SYNC: variants seen among roughly 807,000 people sequenced by gnomAD.
SYNC encodes syncoilin, intermediate filament protein, also known as syncoilin.
In SYNC, 38 loss-of-function variants were observed where a neutral mutation model predicts 49.5. That is an observed-to-expected ratio of 0.77 (90% CI 0.59 to 1.01). The LOEUF (loss-of-function observed/expected upper bound fraction) is 1.01. Ranked by LOEUF, SYNC falls within the 50% of genes least tolerant of loss-of-function variation. The probability of loss-of-function intolerance (pLI) is 0.00; values close to 1 mark genes in which losing one functional copy is unlikely to be tolerated. For missense variants in SYNC, 579 were observed against 580.6 expected, an observed-to-expected ratio of 1.00 and a Z score of 0.03; for synonymous variants, 201 against 230.8, an observed-to-expected ratio of 0.87 and a Z score of 1.17.
At position 32,680,984 on chromosome 1, in the gene SYNC, G is replaced by T. The variant is rs1649397232; in HGVS notation, c.*866C>A. 6.4e-6 allele frequency: 1 copy of T among 156,708 alleles called. No individual in the cohort carries two copies. The highest frequency in any genetic ancestry group is 2.4e-5 in the African/African-American group (1 of 41,620). The allele number at this position is 156,708 out of a possible 1,614,324, so 9.7% of individuals were successfully genotyped here. A position where few individuals can be genotyped will look rare whatever the true frequency, so the allele number is the denominator to read the frequency against. ...TAAGGCAAGATTTAAATTTGGAAAA[G>T]GTGCTTGAACCTTTTCTCAGAGGTT... On this transcript the variant is annotated 3_prime_UTR_variant, in exon 5 of 5. Coordinates refer to ENST00000409190, the MANE Select transcript of SYNC (RefSeq NM_030786.3).
rs1650408538 is a variant in SYNC at position 32,695,917 on chromosome 1, G to C, written c.181C>G (p.Leu61Val). 1.9e-6 allele frequency: 3 copies of C among 1,551,508 alleles called. No individual in the cohort carries two copies. The South Asian group carries it at 3.6e-5, about 18-fold the overall frequency. Residue 61 changes from leucine to valine, a missense_variant, in exon 2 of 5, where the codon CTG (leucine) becomes GTG (valine). Transcript: ENST00000409190. Reference protein sequence around the residue: ...GSLNLEDILYLEDTGDLDETL... With the variant: ...GSLNLEDILYVEDTGDLDETL... ...TCATCAAGGTCACCTGTGTCCTCCAGGTAGAGAATGTCTTCGAGGTTTAAG... is the reference window on the plus strand; with the variant it reads ...TCATCAAGGTCACCTGTGTCCTCCACGTAGAGAATGTCTTCGAGGTTTAAG...
intron 2 of SYNC, among the ~76,000 whole-genome samples, chr1:32,689,497 A>G (rs983918418): frequency 4.0e-5 from 6 of 151,266 alleles, no homozygotes; most frequent in Non-Finnish European, 8.8e-5. Context: ...GCCCGGCCAC[A>G]CATACTATTT....
intron 2 of SYNC, chr1:32,684,590 A>C: frequency 1.5e-6 from 1 of 653,860 alleles, no homozygotes; most frequent in South Asian, 2.0e-5. Context: ...ATGACGAAAA[A>C]GGCATCTTGT....
Position 32,695,135 on chromosome 1 carries a change from G to C in SYNC, c.963C>G (p.Ser321Arg), listed in dbSNP as rs1231460131. ...TTTCAAACTGGGCAGAGAGTCGCCGGCTTTCCTGGAGAAAGTGCCCATCCC... is the reference window on the plus strand; with the variant it reads ...TTTCAAACTGGGCAGAGAGTCGCCGCCTTTCCTGGAGAAAGTGCCCATCCC... ...SQRDGHFLQE[S>R]RRLSAQFENL... The change falls in exon 2 of 5, where the codon AGC (serine) becomes AGG (arginine). Residue 321 changes from serine to arginine, a missense_variant. Ser to Arg is a moderately radical substitution (Grantham distance 110). Coordinates refer to ENST00000409190, the MANE Select transcript of SYNC (RefSeq NM_030786.3). 6.2e-7 allele frequency: 1 copy of C among 1,608,508 alleles called. No individual in the cohort carries two copies. Among genetic ancestry groups the C allele is most frequent in the South Asian group, 1.1e-5 (1 of 90,646 alleles).
chr1:32,700,038 A>G (rs1216577818), intron 1 of SYNC, among the ~76,000 whole-genome samples: 1 of 151,948 alleles, frequency 6.6e-6, no homozygotes, highest in Non-Finnish European at 1.5e-5. Context: ...GGCCCCAAAC[A>G]TACCTTTTTT....
In SYNC at chr1:32,695,172, GGGGCTTCT is replaced by G; in HGVS notation, c.918_925del (p.Glu307SerfsTer20). The G allele has an allele frequency of 6.3e-7, 1 of 1,580,616 alleles. No individual in the cohort carries two copies. Among genetic ancestry groups the G allele is most frequent in the Non-Finnish European group, 8.6e-7 (1 of 1,163,074 alleles). Reference sequence around the variant, plus strand: ...AAAGTGCCCATCCCTCTGGCTTGGAGGGGCTTCTAGTTGTTGCCGCAGCTGCTCCTTCT... The same window carrying G: ...AAAGTGCCCATCCCTCTGGCTTGGAGAGTTGTTGCCGCAGCTGCTCCTTCT... On this transcript the variant is annotated frameshift_variant, in exon 2 of 5. Coordinates refer to ENST00000409190, the MANE Select transcript of SYNC (RefSeq NM_030786.3). LOFTEE classifies it high-confidence loss of function.
In SYNC at chr1:32,680,151, C is replaced by T. The variant is rs1423350502; in HGVS notation, c.*1699G>A. 2 of 1,076,276 alleles carry T rather than the reference C, an allele frequency of 1.9e-6. No homozygotes were observed. Among genetic ancestry groups the T allele is most frequent in the Non-Finnish European group, 2.2e-6 (2 of 891,252 alleles). 66.7% of individuals were successfully genotyped at this position (1,076,276 alleles called of 1,614,324 possible). ...GGGGAGATTCAAGTCATATAGATTC[C>T]TACTCGAAAATCTTGACACCTGACT... On this transcript the variant is annotated 3_prime_UTR_variant, in exon 5 of 5. Transcript: ENST00000409190.
At chr1:32,699,311 G>A (rs766221982) in intron 1 of SYNC, among the ~76,000 whole-genome samples, 2 of 151,814 alleles carry the variant, frequency 1.3e-5, no homozygotes, top group East Asian at 1.9e-4. Flanking sequence ...CTGCCACCAC[G>A]CCTGGCTAAT....
chr1:32,684,701 T>C (rs1175068423), intron 2 of SYNC: 1 of 253,738 alleles, frequency 3.9e-6, no homozygotes, highest in East Asian at 8.8e-5. Context: ...GTCTAGTTAG[T>C]GGGCTGAGTT....
chr1:32,684,206 A>G (rs1317499990), intron 3 of SYNC, 52 bp downstream of exon 3: 1 of 1,609,140 alleles, frequency 6.2e-7, no homozygotes, highest in East Asian at 2.2e-5. Flanking sequence ...AAGCCCTCCC[A>G]CCATCCCCTC....
At position 32,695,042 on chromosome 1, in the gene SYNC, C is replaced by T; in HGVS notation, c.1056G>A (p.Glu352=). ...EYEPQFLRLL[E]RKEAGTKALQ... ...GAGCTTTGGTCCCAGCTTCTTTCCT[C>T]TCTAGGAGCCGCAGGAACTGAGGCT... The change falls in exon 2 of 5, where the codon GAG becomes GAA. Residue 352 remains glutamate, a synonymous_variant. Coordinates refer to ENST00000409190, the MANE Select transcript of SYNC (RefSeq NM_030786.3). 1.2e-6 allele frequency: 2 copies of T among 1,613,756 alleles called. No individual in the cohort carries two copies. Among genetic ancestry groups the T allele is most frequent in the East Asian group, 2.2e-5 (1 of 44,848 alleles).
At chr1:32,692,593 C>T (rs909243419) in intron 2 of SYNC, among the ~76,000 whole-genome samples, 4 of 150,494 alleles carry the variant, frequency 2.7e-5, no homozygotes, top group African/African-American at 9.8e-5. Flanking sequence ...CTAAAATACC[C>T]AAATTAGCTG....
At chr1:32,683,912 C>T (rs1397997218) in intron 4 of SYNC, 98 bp downstream of exon 4, 43 of 1,222,936 alleles carry the variant, frequency 3.5e-5, no homozygotes, top group African/African-American at 8.9e-5. Flanking sequence ...GGATTACAGG[C>T]GTGAGCCACC....
intron 1 of SYNC, among the ~76,000 whole-genome samples, chr1:32,696,937 G>C (rs1650458680): frequency 6.6e-6 from 1 of 151,128 alleles, no homozygotes; most frequent in African/African-American, 2.4e-5. Context: ...TAGTAGAGAT[G>C]GGGTTTTACC....
chr1:32,699,345 G>A (rs1650579568), intron 1 of SYNC, among the ~76,000 whole-genome samples: 1 of 150,270 alleles, frequency 6.7e-6, no homozygotes, highest in Non-Finnish European at 1.5e-5. Flanking sequence ...GTAGAGACAG[G>A]GTTTCACCAT....
intron 2 of SYNC, among the ~76,000 whole-genome samples, chr1:32,693,077 G>GT (rs199763173): frequency 6.8e-6 from 1 of 147,234 alleles, no homozygotes; most frequent in Non-Finnish European, 1.5e-5. Flanking sequence ...TTTTTTTTTT[G>GT]TTTGTTTGTT....
intron 4 of SYNC, chr1:32,683,559 T>G (rs1649593787): frequency 6.5e-6 from 1 of 153,728 alleles, no homozygotes; most frequent in East Asian, 1.9e-4. Context: ...TCTGAATGCC[T>G]GACTCAGGCG....
chr1:32,687,833 A>AATTATTATTATTATTATT (rs148661520), intron 2 of SYNC, among the ~76,000 whole-genome samples: 5,233 of 38,138 alleles, frequency 0.14, 323 homozygotes, highest in African/African-American at 0.18. Context: ...CTGCCCAGTG[A>AATTATTATTATTATTATT]ATTATTATTA....
rs367763008 is a variant in SYNC, at chr1:32,693,679, G to A, written c.1233+1186C>T. ...ATTCCCTACCTTCTGAAAGTTCACA[G>A]TCTAGGAGGGACTACGTAATTGTTT... On this transcript the variant is annotated intron_variant, in intron 2 of 4. Transcript: ENST00000409190. Among the ~76,000 whole-genome samples, 16 of 152,316 alleles carry A rather than the reference G, an allele frequency of 1.1e-4. No individual in the cohort carries two copies. The South Asian group carries it at 3.3e-3, about 32-fold the overall frequency.
Sources: gnomAD v4.1 joint callset for allele counts (sites outside exome capture counted in the v4.1 genomes callset) on GRCh38, gnomAD v4.1.1 for gene constraint, MANE v1.5 for transcripts, NCBI Gene and HGNC (gene_info 2026-07-23, HGNC 2026-07-21) for gene names.